SORCS2: variants seen among roughly 807,000 people sequenced by gnomAD.
SORCS2 encodes the protein VPS10 domain-containing receptor SorCS2.
In SORCS2, 100 loss-of-function variants were observed where a neutral mutation model predicts 141.6. The observed-to-expected ratio is 0.71, with a 90% confidence interval of 0.60 to 0.83. The LOEUF (loss-of-function observed/expected upper bound fraction) is 0.83, where lower values mean the gene tolerates loss of function less well. SORCS2 is among the 40% of genes least tolerant of loss of function. The pLI is 0.00. For missense variants in SORCS2, 1,646 were observed against 1,560.2 expected, an observed-to-expected ratio of 1.05 and a Z score of -0.93; for synonymous variants, 789 against 676.9, an observed-to-expected ratio of 1.17 and a Z score of -2.57.
At chr4:7,332,155 A>T (rs1719693024) in intron 1 of SORCS2, among the ~76,000 whole-genome samples, 1 of 152,188 alleles carries the variant, frequency 6.6e-6, no homozygotes, top group Non-Finnish European at 1.5e-5. Context: ...GAGCATCCTT[A>T]TCTTTGCTCC....
At chr4:7,607,614 A>C (rs1160578527) in intron 3 of SORCS2, among the ~76,000 whole-genome samples, 1 of 152,182 alleles carries the variant, frequency 6.6e-6, no homozygotes, top group African/African-American at 2.4e-5. Context: ...TCATGGAAGG[A>C]AGCAGCCTTT....
chr4:7,503,086 GC>G (rs969294197), intron 2 of SORCS2, among the ~76,000 whole-genome samples: 34 of 152,310 alleles, frequency 2.2e-4, no homozygotes, highest in Non-Finnish European at 4.4e-4. Context: ...GTGCACAGGG[GC>G]TGGGGAATAT....
At chr4:7,448,124 C>A (rs1293507514) in intron 2 of SORCS2, among the ~76,000 whole-genome samples, 1 of 152,200 alleles carries the variant, frequency 6.6e-6, no homozygotes, top group Non-Finnish European at 1.5e-5. Flanking sequence ...GAAGAACCAG[C>A]AGTGTGGCTG....
chr4:7,598,592 G>C (rs970147341), intron 3 of SORCS2, among the ~76,000 whole-genome samples: 35 of 152,202 alleles, frequency 2.3e-4, no homozygotes, highest in African/African-American at 8.2e-4. Context: ...TGTGTGGGGG[G>C]CAATGCAGGA....
intron 3 of SORCS2, among the ~76,000 whole-genome samples, chr4:7,572,735 C>G (rs917852419): frequency 3.9e-5 from 6 of 152,212 alleles, no homozygotes; most frequent in African/African-American, 1.4e-4. Flanking sequence ...GCTGCTACAG[C>G]TCCATCAATT....
intron 18 of SORCS2, 81 bp from the exon 19 acceptor site, chr4:7,723,616 T>C (rs1415570833): frequency 6.9e-7 from 1 of 1,454,884 alleles, no homozygotes; most frequent in East Asian, 2.3e-5. Flanking sequence ...AATGAGTGAG[T>C]GAGTGAGTGA....
intron 10 of SORCS2, among the ~76,000 whole-genome samples, chr4:7,683,159 A>G (rs1411420317): frequency 6.6e-6 from 1 of 152,226 alleles, no homozygotes; most frequent in Non-Finnish European, 1.5e-5. Flanking sequence ...TACTCCCCAG[A>G]TCTACAGGTG....
chr4:7,633,866 G>A (rs1720061820), intron 3 of SORCS2, among the ~76,000 whole-genome samples: 1 of 63,040 alleles, frequency 1.6e-5, no homozygotes, highest in African/African-American at 3.5e-5. Flanking sequence ...ACATGGGCCA[G>A]TGAGGATGGT....
At chr4:7,662,159 A>T (rs1049085897) in intron 6 of SORCS2, among the ~76,000 whole-genome samples, 33 of 152,090 alleles carry the variant, frequency 2.2e-4, no homozygotes, top group African/African-American at 8.0e-4. Context: ...CAGAGTCCTC[A>T]ACGCGGGGTC....
rs752135433 is a variant in SORCS2 at position 7,714,386 on chromosome 4, C to T, written c.2123+13C>T. ...CGGACTTCCTGTGGTGAGCGACGGG[C>T]TCCTGGCCACGAGGCCTCAGGCGCT... On this transcript the variant is annotated intron_variant, in intron 16 of 26. Coordinates refer to ENST00000507866, the MANE Select transcript of SORCS2 (RefSeq NM_020777.3). The T allele has an allele frequency of 1.4e-5, 22 of 1,548,638 alleles. No individual in the cohort carries two copies. The highest frequency in any genetic ancestry group is 8.3e-5 in the South Asian group (7 of 84,028).
At chr4:7,704,118 C>T (rs1725260730) in intron 13 of SORCS2, 59 bp from the exon 14 acceptor site, 4 of 1,521,084 alleles carry the variant, frequency 2.6e-6, no homozygotes, top group Admixed American at 1.9e-5. Flanking sequence ...CGGGCAGAGT[C>T]CCAGACACAG....
At chr4:7,670,913 C>A (rs558495833) in intron 8 of SORCS2, among the ~76,000 whole-genome samples, 3 of 152,194 alleles carry the variant, frequency 2.0e-5, no homozygotes, top group Admixed American at 6.5e-5. Context: ...GATACCCAGA[C>A]AAGCAGTCAT....
intron 1 of SORCS2, among the ~76,000 whole-genome samples, chr4:7,256,849 CCGGATAGGGCTGGA>C (rs1236819606): frequency 1.3e-5 from 2 of 151,732 alleles, no homozygotes; most frequent in Non-Finnish European, 2.9e-5. Flanking sequence ...TCTGGCAGAG[CCGGATAGGGCTGGA>C]TGGGTTTGGG....
chr4:7,690,389 A>G (rs1381753767), intron 11 of SORCS2, among the ~76,000 whole-genome samples: 1 of 146,760 alleles, frequency 6.8e-6, no homozygotes, highest in Non-Finnish European at 1.5e-5. Context: ...TGAATGATGG[A>G]TAGATGCTGA....
At chr4:7,592,659 G>A (rs144304408) in intron 3 of SORCS2, among the ~76,000 whole-genome samples, 1 of 152,340 alleles carries the variant, frequency 6.6e-6, no homozygotes. Flanking sequence ...CCGAATGACT[G>A]TGTGGAGCAG....
intron 18 of SORCS2, among the ~76,000 whole-genome samples, chr4:7,721,948 TG>T (rs1726615354): frequency 6.6e-6 from 1 of 152,188 alleles, no homozygotes; most frequent in Non-Finnish European, 1.5e-5. Context: ...TATACCAGGA[TG>T]TGAATGGAGG....
intron 12 of SORCS2, among the ~76,000 whole-genome samples, chr4:7,698,794 A>G (rs1724866646): frequency 1.3e-5 from 2 of 151,752 alleles, no homozygotes; most frequent in Non-Finnish European, 2.9e-5. Context: ...GCGGTACAGG[A>G]CAGGCGCCCA....
At chr4:7,656,374 C>T (rs1721777040) in intron 5 of SORCS2, among the ~76,000 whole-genome samples, 1 of 151,342 alleles carries the variant, frequency 6.6e-6, no homozygotes, top group South Asian at 2.1e-4. Flanking sequence ...AGCCATCCTG[C>T]TTTGAATACT....
intron 9 of SORCS2, among the ~76,000 whole-genome samples, chr4:7,681,408 A>G (rs898290903): frequency 6.6e-6 from 1 of 152,212 alleles, no homozygotes; most frequent in African/African-American, 2.4e-5. Context: ...ACACGGTCAG[A>G]GAGATGCAGC....
Sources: gnomAD v4.1 joint callset for allele counts (sites outside exome capture counted in the v4.1 genomes callset) on GRCh38, gnomAD v4.1.1 for gene constraint, MANE v1.5 for transcripts, NCBI Gene and HGNC (gene_info 2026-07-23, HGNC 2026-07-21) for gene names.